The following TPRG1 variants were observed in gnomAD, a reference collection of about 807,000 sequenced individuals.
TPRG1 encodes the protein tumor protein p63 regulated 1.
In TPRG1, 29 loss-of-function variants were observed where a neutral mutation model predicts 29.3. That is an observed-to-expected ratio of 0.99 (90% CI 0.74 to 1.35). The LOEUF is 1.35. Ranked by LOEUF, TPRG1 falls within the 40% of genes most tolerant of loss-of-function variation. TPRG1 has a pLI of 0.00. For missense variants in TPRG1, 327 were observed against 335.0 expected, an observed-to-expected ratio of 0.98 and a Z score of 0.19; for synonymous variants, 130 against 116.8, an observed-to-expected ratio of 1.11 and a Z score of -0.73.
intron 1 of TPRG1, among the ~76,000 whole-genome samples, chr3:189,183,294 TCA>T (rs1435478756): frequency 6.6e-6 from 1 of 152,000 alleles, no homozygotes; most frequent in African/African-American, 2.4e-5. Flanking sequence ...TAGGTGTGGG[TCA>T]CAGAGATCAC....
intron 5 of TPRG1, among the ~76,000 whole-genome samples, chr3:189,152,394 C>T (rs1363592456): frequency 2.0e-5 from 3 of 152,176 alleles, no homozygotes; most frequent in African/African-American, 7.2e-5. Context: ...ATGGTCATCT[C>T]CAAATTAGAG....
rs186261086 is a variant in TPRG1, at chr3:189,093,191, A to C, written c.-462-33866A>C. On this transcript the variant is annotated intron_variant, in intron 4 of 10. Transcript: ENST00000433971. The stretch of plus-strand genomic sequence containing the variant: ...TAAAAGAAAGTAAACTCAAGGAGAG[A>C]GCGTCAATAAAGAGACAATATAAAA... Among the ~76,000 whole-genome samples the C allele has an allele frequency of 1.4e-3, 211 of 152,294 alleles. 2 individuals carry two copies. The highest frequency in any genetic ancestry group is 2.8e-4 in the Non-Finnish European group (19 of 68,026).
intron 4 of TPRG1, among the ~76,000 whole-genome samples, chr3:189,149,186 C>A (rs941193836): frequency 5.9e-5 from 9 of 152,136 alleles, no homozygotes; most frequent in Non-Finnish European, 1.3e-4. Flanking sequence ...TGGCCCCTAG[C>A]TTTATATTGC....
At chr3:189,123,910 C>T (rs972714846) in intron 1 of TPRG1, among the ~76,000 whole-genome samples, 7 of 152,092 alleles carry the variant, frequency 4.6e-5, no homozygotes, top group South Asian at 4.1e-4. Flanking sequence ...GCCAGCCAGC[C>T]GTGGCAGGCC....
intron 3 of TPRG1, among the ~76,000 whole-genome samples, chr3:189,022,620 T>C (rs368933581): frequency 8.7e-4 from 132 of 152,156 alleles, no homozygotes; most frequent in East Asian, 3.7e-3. Context: ...CTGGGAGAAC[T>C]ACTGCTCTCT....
At chr3:189,023,782 C>T (rs531173115) in exon 4 of TPRG1, 2 of 152,390 alleles carry the variant, frequency 1.3e-5, no homozygotes, top group East Asian at 3.9e-4. Context: ...CTTCTCCAGA[C>T]CATAGATGCC....
chr3:189,205,165 C>A (rs555318944), intron 1 of TPRG1, among the ~76,000 whole-genome samples: 21 of 152,282 alleles, frequency 1.4e-4, no homozygotes, highest in African/African-American at 4.1e-4. Flanking sequence ...TCAAGTGTGA[C>A]CCTGGGTGGT....
chr3:189,130,676 T>C (rs1723011070), intron 2 of TPRG1, among the ~76,000 whole-genome samples: 1 of 152,222 alleles, frequency 6.6e-6, no homozygotes, highest in Admixed American at 6.5e-5. Context: ...ATTTATATAT[T>C]CTGGCAGAAT....
chr3:189,256,111 T>C (rs1037175049), intron 4 of TPRG1, among the ~76,000 whole-genome samples: 2 of 152,202 alleles, frequency 1.3e-5, no homozygotes, highest in Non-Finnish European at 2.9e-5. Context: ...TGTTAGGGTG[T>C]TGATTTTAGA....
intron 1 of TPRG1, among the ~76,000 whole-genome samples, chr3:189,181,371 T>A (rs1200710477): frequency 3.9e-5 from 6 of 152,218 alleles, no homozygotes; most frequent in Non-Finnish European, 7.3e-5. Context: ...ACTTTTATGT[T>A]CTGCTTCCCT....
intron 3 of TPRG1, among the ~76,000 whole-genome samples, chr3:189,229,153 G>A (rs1738251540): frequency 6.6e-6 from 1 of 152,210 alleles, no homozygotes; most frequent in Non-Finnish European, 1.5e-5. Flanking sequence ...TACCGGGTTT[G>A]TAGATTGGAA....
rs568467731 is a variant in TPRG1 at position 189,054,890 on chromosome 3, C to T, written c.-463+30944C>T. 9.2e-5 allele frequency among the ~76,000 whole-genome samples: 14 copies of T among 152,090 alleles called. No homozygotes were observed. The East Asian group carries it at 9.7e-4, about 10-fold the overall frequency. ...ATTACAAAAATGTGACACAGAGAAACGAAGTAAGCATGTGCTGGTGGAAAG... is the reference window on the plus strand; with the variant it reads ...ATTACAAAAATGTGACACAGAGAAATGAAGTAAGCATGTGCTGGTGGAAAG... On this transcript the variant is annotated intron_variant, in intron 4 of 10. Coordinates refer to the TPRG1 transcript ENST00000433971.
intron 2 of TPRG1, among the ~76,000 whole-genome samples, chr3:189,210,232 A>G (rs1039621336): frequency 3.3e-5 from 5 of 152,240 alleles, no homozygotes; most frequent in African/African-American, 1.2e-4. Flanking sequence ...CTAACTTTGT[A>G]AAAGTTCTTA....
At chr3:189,274,189 T>G (rs1279192355) in intron 4 of TPRG1, among the ~76,000 whole-genome samples, 1 of 152,022 alleles carries the variant, frequency 6.6e-6, no homozygotes, top group East Asian at 1.9e-4. Context: ...GATGAGCCTG[T>G]GAGAAATGGG....
chr3:189,226,534 A>T (rs1380655486), intron 3 of TPRG1, among the ~76,000 whole-genome samples: 2 of 152,168 alleles, frequency 1.3e-5, no homozygotes, highest in Non-Finnish European at 2.9e-5. Context: ...CTGAAAGTGG[A>T]ATTTATAGCA....
intron 1 of TPRG1, among the ~76,000 whole-genome samples, chr3:189,205,013 C>T (rs529555213): frequency 6.6e-5 from 10 of 151,754 alleles, no homozygotes; most frequent in African/African-American, 2.4e-4. Context: ...TCCTTGTTTT[C>T]TCAGAGACCA....
At chr3:189,029,788 G>A (rs1361798720) in intron 4 of TPRG1, among the ~76,000 whole-genome samples, 1 of 152,146 alleles carries the variant, frequency 6.6e-6, no homozygotes, top group African/African-American at 2.4e-5. Context: ...TCTCACCGTA[G>A]TCATTCCCAT....
intron 1 of TPRG1, among the ~76,000 whole-genome samples, chr3:189,101,464 C>A (rs558688418): frequency 6.6e-6 from 1 of 152,206 alleles, no homozygotes; most frequent in African/African-American, 2.4e-5. Context: ...TCACACTCAC[C>A]CCCCACTGTC....
At chr3:189,282,591 T>G (rs1717349078) in intron 4 of TPRG1, among the ~76,000 whole-genome samples, 2 of 152,152 alleles carry the variant, frequency 1.3e-5, no homozygotes, top group Non-Finnish European at 1.5e-5. Context: ...CCTCTATTCC[T>G]CTCTCTGCCT....
Sources: allele counts gnomAD v4.1 joint callset (sites outside exome capture counted in the v4.1 genomes callset), GRCh38; gene constraint gnomAD v4.1.1; transcripts MANE v1.5; gene names NCBI Gene and HGNC (gene_info 2026-07-23, HGNC 2026-07-21).